The following PDSS2 variants were observed in gnomAD, a reference collection of about 807,000 sequenced individuals.
PDSS2 encodes the protein all trans-polyprenyl-diphosphate synthase PDSS2.
A neutral mutation model predicts 44.5 loss-of-function variants in PDSS2; 31 were observed. The ratio of observed to expected loss-of-function variants is 0.70; its 90% CI spans 0.52 to 0.94. PDSS2 has a LOEUF of 0.94. PDSS2 is among the 40% of genes least tolerant of loss of function. PDSS2 has a pLI of 0.00. For synonymous variants in PDSS2, 157 were observed against 180.3 expected, an observed-to-expected ratio of 0.87 and a Z score of 1.03; for missense variants, 452 against 482.2, an observed-to-expected ratio of 0.94 and a Z score of 0.59.
chr6:107,261,578 C>CTTT (rs36106088), intron 3 of PDSS2, among the ~76,000 whole-genome samples: 21,781 of 111,990 alleles, frequency 0.19, 2,063 homozygotes, highest in South Asian at 0.3. Flanking sequence ...TCTTTTCTTT[C>CTTT]TTTTTTTTTT....
rs1777915234 is a variant in PDSS2 at position 107,336,869 on chromosome 6, TGTGTGTGTGTG to T, written c.297-2548_297-2538del. 4.7e-5 allele frequency among the ~76,000 whole-genome samples: 5 copies of T among 106,804 alleles called. No homozygotes were observed. The South Asian group carries it at 2.0e-3, about 43-fold the overall frequency. The allele number at this position is 106,804 out of a possible 152,430, so 70.1% of individuals were successfully genotyped here. A position where few individuals can be genotyped will look rare whatever the true frequency, so the allele number is the denominator to read the frequency against. ...GTGTGTGTGTGTGTGTGTGTGTGTGTGTGTGTGTGTGTTCGGGGCTGGGCCTGGTCAGGGAT... is the reference window on the plus strand; with the variant it reads ...GTGTGTGTGTGTGTGTGTGTGTGTGTTTCGGGGCTGGGCCTGGTCAGGGAT... On this transcript the variant is annotated intron_variant, in intron 1 of 7. Transcript: ENST00000369037.
chr6:107,175,190 C>T lies in PDSS2; in HGVS notation c.1041+18632G>A, dbSNP rs528891522. On this transcript the variant is annotated intron_variant, in intron 7 of 7. Coordinates refer to ENST00000369037, the MANE Select transcript of PDSS2 (RefSeq NM_020381.4). ...TGGTGCCATTGCACTCCAGCCTGGG[C>T]GACAGAGTGAGACTCCATCTCAGGA... Among the ~76,000 whole-genome samples the T allele has an allele frequency of 8.3e-5, 12 of 144,902 alleles. No homozygotes were observed. The Middle Eastern group carries it at 0.01, about 127-fold the overall frequency.
At chr6:107,186,819 G>C (rs1161225750) in intron 7 of PDSS2, among the ~76,000 whole-genome samples, 1 of 152,114 alleles carries the variant, frequency 6.6e-6, no homozygotes, top group Non-Finnish European at 1.5e-5. Context: ...ACACTTTCTT[G>C]ATATCTGACT....
intron 4 of PDSS2, among the ~76,000 whole-genome samples, chr6:107,227,926 G>C (rs902936133): frequency 6.6e-6 from 1 of 152,146 alleles, no homozygotes; most frequent in African/African-American, 2.4e-5. Flanking sequence ...AGTGACCCAG[G>C]ATGGAGATAA....
intron 7 of PDSS2, among the ~76,000 whole-genome samples, chr6:107,191,827 G>A (rs775855497): frequency 6.6e-6 from 1 of 152,104 alleles, no homozygotes; most frequent in African/African-American, 2.4e-5. Context: ...ATCCAGGCTG[G>A]TCTTGAACTT....
At chr6:107,173,597 A>AAAAAAAAAAAAAAAAAAAAAAAAAAAAG (rs1771684674) in intron 7 of PDSS2, among the ~76,000 whole-genome samples, 1 of 148,680 alleles carries the variant, frequency 6.7e-6, no homozygotes, top group African/African-American at 2.5e-5. Flanking sequence ...AAAAAAAAAA[A>AAAAAAAAAAAAAAAAAAAAAAAAAAAAG]CGCTTAGAAC....
At chr6:107,341,381 G>A (rs1562474140) in intron 1 of PDSS2, among the ~76,000 whole-genome samples, 1 of 152,206 alleles carries the variant, frequency 6.6e-6, no homozygotes, top group African/African-American at 2.4e-5. Context: ...GAATGAATGA[G>A]TTCAGTTTTG....
At chr6:107,403,616 TC>T (rs1780214641) in intron 1 of PDSS2, among the ~76,000 whole-genome samples, 1 of 152,154 alleles carries the variant, frequency 6.6e-6, no homozygotes, top group African/African-American at 2.4e-5. Flanking sequence ...TTCCCCAACC[TC>T]AATTCTTGTT....
rs188147130 is a variant in PDSS2, at chr6:107,303,194, C to G, written c.432-28967G>C. 1.1e-3 allele frequency among the ~76,000 whole-genome samples: 172 copies of G among 152,282 alleles called. 1 individual carries two copies. Among genetic ancestry groups the G allele is most frequent in the African/African-American group, 4.0e-3 (166 of 41,562 alleles). ...AAGAGGGAAAGCACAATGGGCTTGGCTCCCTTTACAACATCCCACTCCCTC... is the reference window on the plus strand; with the variant it reads ...AAGAGGGAAAGCACAATGGGCTTGGGTCCCTTTACAACATCCCACTCCCTC... On this transcript the variant is annotated intron_variant, in intron 2 of 7. Transcript: ENST00000369037.
intron 3 of PDSS2, among the ~76,000 whole-genome samples, chr6:107,271,034 G>A (rs892492002): frequency 1.2e-4 from 18 of 152,198 alleles, no homozygotes; most frequent in South Asian, 4.1e-4. Context: ...CAATCACTTA[G>A]CATAGTCATT....
intron 1 of PDSS2, among the ~76,000 whole-genome samples, chr6:107,366,618 TAAAC>T (rs1439484782): frequency 2.6e-5 from 4 of 151,152 alleles, no homozygotes; most frequent in African/African-American, 2.4e-5. Context: ...AAGACACAAA[TAAAC>T]AAACTCAGGA....
At chr6:107,249,639 G>A (rs138875419) in intron 3 of PDSS2, among the ~76,000 whole-genome samples, 113 of 152,162 alleles carry the variant, frequency 7.4e-4, no homozygotes, top group African/African-American at 1.2e-3. Context: ...GTTGAAATAC[G>A]ACTCTACAGC....
chr6:107,228,596 G>A (rs1290921542), intron 4 of PDSS2, among the ~76,000 whole-genome samples: 1 of 152,068 alleles, frequency 6.6e-6, no homozygotes, highest in Non-Finnish European at 1.5e-5. Flanking sequence ...TTGGGAGGCT[G>A]AGGCAAGAGA....
Position 107,212,199 on chromosome 6 carries a change from G to A in PDSS2, c.786C>T (p.Ser262=), listed in dbSNP as rs1244551369. Residue 262 remains serine, a synonymous_variant, in exon 5 of 8, where the codon AGC becomes AGT. Coordinates refer to ENST00000369037, the MANE Select transcript of PDSS2 (RefSeq NM_020381.4). ...FLSHGALLAK[S]CQAAMELAKH... Reference sequence around the variant, plus strand: ...TTGCTAATTCCATTGCAGCTTGGCAGCTCTTTGCTAGTAAGGCACCATGGG... The same window carrying A: ...TTGCTAATTCCATTGCAGCTTGGCAACTCTTTGCTAGTAAGGCACCATGGG... 6.2e-7 allele frequency: 1 copy of A among 1,613,702 alleles called. No homozygotes were observed. Among genetic ancestry groups the A allele is most frequent in the Non-Finnish European group, 8.5e-7 (1 of 1,179,736 alleles).
chr6:107,240,429 TCTCA>T lies in PDSS2; in HGVS notation c.702+5115_702+5118del, dbSNP rs1190185165. On this transcript the variant is annotated intron_variant, in intron 4 of 7. Transcript: ENST00000369037. ...TTTTTTTTTTTTTTTGAAACTGCAG[TCTCA>T]CTCTGTCCAGGCTGGAGTGCAGTGG... Among the ~76,000 whole-genome samples, 6 of 143,838 alleles carry T rather than the reference TCTCA, an allele frequency of 4.2e-5. No individual in the cohort carries two copies. The East Asian group carries it at 1.3e-3, about 30-fold the overall frequency. 94.4% of individuals were successfully genotyped at this position (143,838 alleles called of 152,430 possible).
chr6:107,295,403 T>C (rs1334250041), intron 2 of PDSS2, among the ~76,000 whole-genome samples: 1 of 152,200 alleles, frequency 6.6e-6, no homozygotes, highest in Non-Finnish European at 1.5e-5. Flanking sequence ...AGTTCATTGA[T>C]CGCTGAATTC....
intron 3 of PDSS2, among the ~76,000 whole-genome samples, chr6:107,249,930 C>T (rs1292023878): frequency 6.6e-6 from 1 of 152,130 alleles, no homozygotes; most frequent in East Asian, 1.9e-4. Flanking sequence ...CATAATTAAC[C>T]TTTGTGATGA....
intron 2 of PDSS2, among the ~76,000 whole-genome samples, chr6:107,326,367 C>T (rs1777546935): frequency 6.6e-6 from 1 of 151,718 alleles, no homozygotes; most frequent in Admixed American, 6.6e-5. Flanking sequence ...ATCTTGGCCT[C>T]CCAAAGTATT....
At chr6:107,213,311 AAT>A (rs1491251206) in intron 4 of PDSS2, among the ~76,000 whole-genome samples, 3 of 75,144 alleles carry the variant, frequency 4.0e-5, no homozygotes, top group African/African-American at 2.3e-4. Flanking sequence ...ACACCCAGAT[AAT>A]TTTTTTTTTT....
Sources: allele counts gnomAD v4.1 joint callset (sites outside exome capture counted in the v4.1 genomes callset), GRCh38; gene constraint gnomAD v4.1.1; transcripts MANE v1.5; gene names NCBI Gene and HGNC (gene_info 2026-07-23, HGNC 2026-07-21).